The following GRID2 variants were observed in gnomAD, a reference collection of about 807,000 sequenced individuals.
GRID2 encodes the protein glutamate ionotropic receptor delta type subunit 2.
Under a neutral mutation model 114.8 loss-of-function variants are expected in GRID2, and 33 were observed. The ratio of observed to expected loss-of-function variants is 0.29; its 90% CI spans 0.22 to 0.38. The LOEUF (loss-of-function observed/expected upper bound fraction) is 0.38. Among genes scored for constraint, GRID2 ranks in the 10% least tolerant of loss-of-function variants. The pLI is 1.00. For missense variants in GRID2, 1,184 were observed against 1,257.7 expected (o/e 0.94, Z 0.89); for synonymous variants, 505 against 449.9 (o/e 1.12, Z -1.55).
intron 13 of GRID2, among the ~76,000 whole-genome samples, chr4:93,619,479 T>C (rs17356606): frequency 0.12 from 18,090 of 152,230 alleles, 1,117 homozygotes; most frequent in Middle Eastern, 0.14. Flanking sequence ...CCACTGACCA[T>C]TAGTTAAAAT....
intron 1 of GRID2, among the ~76,000 whole-genome samples, chr4:92,476,077 G>A (rs1156488311): frequency 6.8e-6 from 1 of 146,198 alleles, no homozygotes; most frequent in South Asian, 2.1e-4. Context: ...CCAAGCTGGA[G>A]TGCAGTGGCG....
chr4:93,147,331 A>C (rs1736359981), intron 4 of GRID2, among the ~76,000 whole-genome samples: 1 of 152,176 alleles, frequency 6.6e-6, no homozygotes, highest in Non-Finnish European at 1.5e-5. Context: ...CATTCTAGAA[A>C]AATTACTAAT....
At chr4:93,273,114 A>T (rs1411451239) in intron 8 of GRID2, among the ~76,000 whole-genome samples, 5 of 152,204 alleles carry the variant, frequency 3.3e-5, no homozygotes, top group African/African-American at 4.8e-5. Flanking sequence ...ACATTTATAT[A>T]TGTATTTATG....
chr4:93,424,011 T>C (rs1215645479), intron 10 of GRID2, among the ~76,000 whole-genome samples: 2 of 152,138 alleles, frequency 1.3e-5, no homozygotes, highest in African/African-American at 4.8e-5. Flanking sequence ...AGTCTAAAGG[T>C]CATAATATGC....
At chr4:93,635,684 T>A (rs1358384998) in intron 14 of GRID2, among the ~76,000 whole-genome samples, 1 of 152,198 alleles carries the variant, frequency 6.6e-6, no homozygotes, top group South Asian at 2.1e-4. Flanking sequence ...TGAATCCTTG[T>A]GGAGCTACTT....
At chr4:92,748,176 CTA>C (rs1233878827) in intron 2 of GRID2, among the ~76,000 whole-genome samples, 2 of 152,088 alleles carry the variant, frequency 1.3e-5, no homozygotes, top group African/African-American at 4.8e-5. Flanking sequence ...TACATTTTTT[CTA>C]TGTTTCCCAT....
chr4:93,341,863 T>C (rs765739117), intron 8 of GRID2, among the ~76,000 whole-genome samples: 27 of 152,166 alleles, frequency 1.8e-4, no homozygotes, highest in Non-Finnish European at 3.2e-4. Context: ...TGTGATTCTG[T>C]GGTTTAAATA....
intron 1 of GRID2, among the ~76,000 whole-genome samples, chr4:92,374,034 C>T (rs1304193973): frequency 6.6e-6 from 1 of 151,892 alleles, no homozygotes; most frequent in Non-Finnish European, 1.5e-5. Context: ...TTCAAAGCCC[C>T]CCCGCCCTGC....
chr4:92,726,941 C>A (rs1438095823), intron 2 of GRID2, among the ~76,000 whole-genome samples: 3 of 152,030 alleles, frequency 2.0e-5, no homozygotes. Flanking sequence ...GAGAGTTGTT[C>A]TGATGCATTG....
chr4:92,354,904 CTA>C (rs1394246472), intron 1 of GRID2, among the ~76,000 whole-genome samples: 1 of 151,912 alleles, frequency 6.6e-6, no homozygotes, highest in Non-Finnish European at 1.5e-5. Context: ...CTTTATTACG[CTA>C]TCATTTAGAA....
chr4:92,318,310 T>A (rs10022564), intron 1 of GRID2, among the ~76,000 whole-genome samples: 44,323 of 71,886 alleles, frequency 0.62, 12,531 homozygotes, highest in Non-Finnish European at 0.69. Context: ...ATATATATAT[T>A]TTTTTTTTTT....
intron 4 of GRID2, among the ~76,000 whole-genome samples, chr4:93,142,479 T>C (rs1469297708): frequency 1.3e-5 from 2 of 152,110 alleles, no homozygotes; most frequent in Admixed American, 1.3e-4. Flanking sequence ...GTCTCTCTTA[T>C]AAGTACACTA....
chr4:92,452,899 A>G (rs977700914), intron 1 of GRID2, among the ~76,000 whole-genome samples: 1 of 147,984 alleles, frequency 6.8e-6, no homozygotes, highest in Non-Finnish European at 1.5e-5. Flanking sequence ...TACCATATAT[A>G]TATATGTATG....
intron 13 of GRID2, among the ~76,000 whole-genome samples, chr4:93,573,908 AG>A (rs1265156059): frequency 2.0e-5 from 3 of 152,166 alleles, no homozygotes; most frequent in African/African-American, 7.2e-5. Context: ...AGCTAAACTT[AG>A]ATTCCTGAGA....
chr4:92,854,014 A>C (rs910129541), intron 2 of GRID2, among the ~76,000 whole-genome samples: 1 of 151,874 alleles, frequency 6.6e-6, no homozygotes, highest in Non-Finnish European at 1.5e-5. Context: ...AAAAAAAAAA[A>C]AAGATGAGAA....
At chr4:92,470,166 C>A (rs1394185588) in intron 1 of GRID2, among the ~76,000 whole-genome samples, 1 of 151,790 alleles carries the variant, frequency 6.6e-6, no homozygotes, top group Non-Finnish European at 1.5e-5. Flanking sequence ...AAGATACATT[C>A]TCATTGGAAA....
intron 1 of GRID2, among the ~76,000 whole-genome samples, chr4:92,418,396 G>T (rs948536253): frequency 2.0e-5 from 3 of 152,030 alleles, no homozygotes; most frequent in Non-Finnish European, 2.9e-5. Context: ...AACACCAAGC[G>T]TCAAGACAAG....
intron 2 of GRID2, among the ~76,000 whole-genome samples, chr4:92,929,043 TATTAA>T (rs1750035130): frequency 6.6e-6 from 1 of 151,518 alleles, no homozygotes; most frequent in Non-Finnish European, 1.5e-5. Context: ...TAATTTAGAA[TATTAA>T]ATTAATGTGA....
chr4:92,995,625 T>C (rs1256163651), intron 2 of GRID2, among the ~76,000 whole-genome samples: 1 of 152,158 alleles, frequency 6.6e-6, no homozygotes, highest in Non-Finnish European at 1.5e-5. Flanking sequence ...AACATTGTAA[T>C]AGTAAAAATG....
Sources: gnomAD v4.1 joint callset for allele counts (sites outside exome capture counted in the v4.1 genomes callset) on GRCh38, gnomAD v4.1.1 for gene constraint, MANE v1.5 for transcripts, NCBI Gene and HGNC (gene_info 2026-07-23, HGNC 2026-07-21) for gene names.